The following MAML2 variants were observed in gnomAD, a reference collection of about 807,000 sequenced individuals.
MAML2 encodes mastermind like transcriptional coactivator 2, also known as mastermind-like protein 2.
A neutral mutation model predicts 96.1 loss-of-function variants in MAML2; 22 were observed. The observed-to-expected ratio is 0.23, with a 90% CI of 0.16 to 0.33. The LOEUF (loss-of-function observed/expected upper bound fraction) is 0.33. Ranked by LOEUF, MAML2 falls within the 10% of genes least tolerant of loss-of-function variation. MAML2 has a pLI of 1.00. For missense variants in MAML2, 1,367 were observed against 1,392.4 expected, an observed-to-expected ratio of 0.98 and a Z score of 0.29; for synonymous variants, 561 against 521.3, an observed-to-expected ratio of 1.08 and a Z score of -1.04.
chr11:96,329,615 A>AAGT (rs1863828762), intron 1 of MAML2, among the ~76,000 whole-genome samples: 1 of 152,238 alleles, frequency 6.6e-6, no homozygotes. Flanking sequence ...AAATACCAGG[A>AAGT]AGTTAAAGGA....
intron 1 of MAML2, among the ~76,000 whole-genome samples, chr11:96,281,616 G>A (rs954753733): frequency 2.0e-5 from 3 of 152,066 alleles, no homozygotes; most frequent in Non-Finnish European, 4.4e-5. Flanking sequence ...GATTTTTGGG[G>A]ATATCAATGA....
intron 1 of MAML2, among the ~76,000 whole-genome samples, chr11:96,262,462 T>G (rs1010082715): frequency 3.4e-5 from 5 of 148,230 alleles, no homozygotes; most frequent in Non-Finnish European, 6.0e-5. Context: ...TTTTTAAAAT[T>G]TAATCTTTTT....
chr11:96,210,525 T>C (rs1354361262), intron 1 of MAML2, among the ~76,000 whole-genome samples: 2 of 152,250 alleles, frequency 1.3e-5, no homozygotes, highest in African/African-American at 2.4e-5. Flanking sequence ...ATTCATTTAA[T>C]ATAGAACAAC....
At chr11:96,117,956 G>T (rs904996181) in intron 1 of MAML2, among the ~76,000 whole-genome samples, 1 of 152,096 alleles carries the variant, frequency 6.6e-6, no homozygotes, top group Non-Finnish European at 1.5e-5. Flanking sequence ...CCCTCATTTT[G>T]TAAGAAATAA....
At chr11:96,044,221 C>A (rs1018262489) in intron 2 of MAML2, among the ~76,000 whole-genome samples, 1 of 152,138 alleles carries the variant, frequency 6.6e-6, no homozygotes, top group Non-Finnish European at 1.5e-5. Flanking sequence ...AAGAGGGAGG[C>A]GTGCCTGGAA....
chr11:96,285,066 T>C (rs79689299), intron 1 of MAML2, among the ~76,000 whole-genome samples: 2,561 of 151,924 alleles, frequency 0.017, 31 homozygotes, highest in Non-Finnish European at 0.02. Flanking sequence ...CAGAGAAAGG[T>C]TAAGGAACTT....
At chr11:96,211,789 A>C (rs368891084) in intron 1 of MAML2, among the ~76,000 whole-genome samples, 9 of 152,242 alleles carry the variant, frequency 5.9e-5, no homozygotes, top group African/African-American at 2.2e-4. Flanking sequence ...GTCTTTAAGC[A>C]CTAGTTGAGG....
chr11:96,049,602 G>C (rs1209781630), intron 2 of MAML2, among the ~76,000 whole-genome samples: 1 of 152,162 alleles, frequency 6.6e-6, no homozygotes, highest in East Asian at 1.9e-4. Context: ...GCGACCGTGG[G>C]CAAGTGTTGT....
At chr11:96,314,246 G>A (rs990000671) in intron 1 of MAML2, among the ~76,000 whole-genome samples, 1 of 152,214 alleles carries the variant, frequency 6.6e-6, no homozygotes. Flanking sequence ...GTCACAGGTG[G>A]CCTCTTGGCC....
intron 1 of MAML2, among the ~76,000 whole-genome samples, chr11:96,209,723 C>T (rs970029371): frequency 6.6e-6 from 1 of 152,114 alleles, no homozygotes; most frequent in African/African-American, 2.4e-5. Flanking sequence ...TCTGTAGGCT[C>T]CTTTAATTGT....
At chr11:96,274,932 A>T (rs1862966169) in intron 1 of MAML2, among the ~76,000 whole-genome samples, 1 of 151,578 alleles carries the variant, frequency 6.6e-6, no homozygotes, top group Admixed American at 6.6e-5. Flanking sequence ...TTAGATATGT[A>T]TAATTTCACA....
intron 2 of MAML2, among the ~76,000 whole-genome samples, chr11:96,026,508 C>T (rs542847670): frequency 2.6e-5 from 4 of 152,072 alleles, no homozygotes; most frequent in Non-Finnish European, 5.9e-5. Flanking sequence ...GATAGATAAA[C>T]CCAACCCTCC....
intron 1 of MAML2, among the ~76,000 whole-genome samples, chr11:96,166,177 T>TCTCTCTCTCACACACA (rs530578845): frequency 1.2e-4 from 13 of 110,382 alleles, no homozygotes; most frequent in African/African-American, 2.8e-4. Flanking sequence ...TCTCTCTCTC[T>TCTCTCTCTCACACACA]CACACACACA....
At chr11:96,330,911 C>T (rs1188300839) in intron 1 of MAML2, among the ~76,000 whole-genome samples, 1 of 152,026 alleles carries the variant, frequency 6.6e-6, no homozygotes, top group African/African-American at 2.4e-5. Flanking sequence ...TTTTTGATGC[C>T]AGGAGTGGCA....
chr11:96,207,913 C>T (rs893314693), intron 1 of MAML2, among the ~76,000 whole-genome samples: 2 of 151,996 alleles, frequency 1.3e-5, no homozygotes, highest in Non-Finnish European at 2.9e-5. Context: ...TTTTTTTAAG[C>T]CCTCACTTCC....
chr11:96,077,215 C>CTTTTTTT (rs1565207022), intron 2 of MAML2, among the ~76,000 whole-genome samples: 3 of 61,808 alleles, frequency 4.9e-5, no homozygotes, highest in African/African-American at 1.9e-4. Flanking sequence ...CCAACTCTCT[C>CTTTTTTT]TCTCTTTTTT....
chr11:96,091,289 T>C (rs1246228207), intron 2 of MAML2, among the ~76,000 whole-genome samples: 1 of 152,190 alleles, frequency 6.6e-6, no homozygotes, highest in Non-Finnish European at 1.5e-5. Flanking sequence ...ATACCTAGCA[T>C]TGAAATGGTA....
Position 95,977,175 on chromosome 11 carries a change from G to C in MAML2, c.*1773C>G, listed in dbSNP as rs904050977. On this transcript the variant is annotated 3_prime_UTR_variant, in exon 5 of 5. Coordinates refer to ENST00000524717, the MANE Select transcript of MAML2 (RefSeq NM_032427.4). Reference sequence around the variant, plus strand: ...AAACTTTGCATATTAGCATACAAAAGGTAGCAATTTACTTTTTGTATAAAA... The same window carrying C: ...AAACTTTGCATATTAGCATACAAAACGTAGCAATTTACTTTTTGTATAAAA... 5.3e-6 allele frequency: 1 copy of C among 190,386 alleles called. No individual in the cohort carries two copies. The highest frequency in any genetic ancestry group is 2.3e-5 in the African/African-American group (1 of 42,872). The allele number at this position is 190,386 out of a possible 1,614,324, so 11.8% of individuals were successfully genotyped here. A position where few individuals can be genotyped will look rare whatever the true frequency, so the allele number is the denominator to read the frequency against.
At chr11:96,089,934 T>A in intron 2 of MAML2, among the ~76,000 whole-genome samples, 1 of 38,296 alleles carries the variant, frequency 2.6e-5, no homozygotes, top group Non-Finnish European at 6.7e-5. Context: ...TCTAAGGCAT[T>A]GGAACATGTT....
Sources: gnomAD v4.1 joint callset for allele counts (sites outside exome capture counted in the v4.1 genomes callset) on GRCh38, gnomAD v4.1.1 for gene constraint, MANE v1.5 for transcripts, NCBI Gene and HGNC (gene_info 2026-07-23, HGNC 2026-07-21) for gene names.